SSR1: variants seen among roughly 807,000 people sequenced by gnomAD.
SSR1 encodes the protein signal sequence receptor subunit 1.
SSR1 carries 13 observed loss-of-function variants against 36.1 expected under a neutral mutation model. The ratio of observed to expected loss-of-function variants is 0.36; its 90% CI spans 0.23 to 0.57. SSR1 has a LOEUF of 0.57. Ranked by LOEUF, SSR1 falls within the 20% of genes least tolerant of loss-of-function variation. The pLI, the probability that SSR1 is intolerant of heterozygous loss-of-function variation, is 0.81. For missense variants in SSR1, 291 were observed against 338.5 expected (o/e 0.86, Z 1.10); for synonymous variants, 113 against 118.9 (o/e 0.95, Z 0.32).
chr6:7,297,450 G>A (rs936565844), intron 6 of SSR1, among the ~76,000 whole-genome samples: 7 of 152,160 alleles, frequency 4.6e-5, no homozygotes, highest in African/African-American at 1.2e-4. Context: ...ATGAGGCCAG[G>A]TGCAGTGGCT....
At position 7,297,929 on chromosome 6, in the gene SSR1, A is replaced by G. The variant is rs576947049; in HGVS notation, c.693T>C (p.Ser231=). The G allele has an allele frequency of 3.7e-6, 6 of 1,612,680 alleles. No homozygotes were observed. The East Asian group carries it at 6.7e-5, about 18-fold the overall frequency. Residue 231 remains serine, a synonymous_variant, in exon 6 of 8, where the codon TCT becomes TCC. Transcript: ENST00000244763. ...VIVGLHQLLE[S]RKRKRPIQKV... is the part of the protein sequence containing the mutation. ...GGTGTTCATCCATAATTACCTTTCT[A>G]GATTCTAGGAGTTGATGAAGGCCAA...
intron 6 of SSR1, among the ~76,000 whole-genome samples, chr6:7,297,428 A>T (rs945118237): frequency 1.3e-5 from 2 of 152,160 alleles, no homozygotes; most frequent in African/African-American, 4.8e-5. Flanking sequence ...GTATGTGTGT[A>T]TGAAAGTCTA....
intron 1 of SSR1, 93 bp from the exon 2 acceptor site, chr6:7,310,122 T>G: frequency 1.2e-6 from 1 of 830,904 alleles, no homozygotes; most frequent in Non-Finnish European, 1.9e-6. Context: ...AAACTTCCCT[T>G]GGACTAACAG....
chr6:7,294,426 G>A (rs1338429758), intron 7 of SSR1, among the ~76,000 whole-genome samples: 1 of 152,196 alleles, frequency 6.6e-6, no homozygotes, highest in Non-Finnish European at 1.5e-5. Flanking sequence ...GGTGGCTCAC[G>A]CCTGTAATCC....
In SSR1 at chr6:7,298,014, G is replaced by A. The variant is rs369653845; in HGVS notation, c.621-13C>T. 1.3e-6 allele frequency: 2 copies of A among 1,595,004 alleles called. No individual in the cohort carries two copies. Among genetic ancestry groups the A allele is most frequent in the South Asian group, 1.1e-5 (1 of 90,328 alleles). Reference sequence around the variant, plus strand: ...ATACATAAAGATTCTGGTACAAAAGGAGAAAATATGAACTGTCTTTAATTC... The same window carrying A: ...ATACATAAAGATTCTGGTACAAAAGAAGAAAATATGAACTGTCTTTAATTC... On this transcript the variant is annotated splice_polypyrimidine_tract_variant and intron_variant, in intron 5 of 7. Transcript: ENST00000244763.
chr6:7,301,596 A>C, intron 3 of SSR1, 24 bp from the exon 4 acceptor site: 1 of 1,591,082 alleles, frequency 6.3e-7, no homozygotes, highest in Non-Finnish European at 8.5e-7. Context: ...TAGAGACAAA[A>C]AAATTAGAAC....
intron 7 of SSR1, among the ~76,000 whole-genome samples, chr6:7,293,997 T>C (rs1301906170): frequency 2.0e-5 from 3 of 152,200 alleles, no homozygotes; most frequent in African/African-American, 7.2e-5. Context: ...TTTCCCCTTT[T>C]AGGAGGGAAA....
chr6:7,297,957 A>G lies in SSR1; in HGVS notation c.665T>C (p.Ile222Thr). ...TTCTAGGAGTTGATGAAGGCCAACAATAACCAGAAGCCCAAGACCAGCAAG... is the reference window on the plus strand; with the variant it reads ...TTCTAGGAGTTGATGAAGGCCAACAGTAACCAGAAGCCCAAGACCAGCAAG... ...MFLAGLGLLV[I>T]VGLHQLLESR... The change falls in exon 6 of 8, where the codon ATT becomes ACT. Residue 222 changes from isoleucine (I) to threonine (T), a missense_variant. Transcript: ENST00000244763. The G allele has an allele frequency of 1.2e-6, 2 of 1,613,672 alleles. No individual in the cohort carries two copies. Among genetic ancestry groups the G allele is most frequent in the Non-Finnish European group, 1.7e-6 (2 of 1,179,776 alleles).
In SSR1 at chr6:7,288,201, A is replaced by G. The variant is rs1022630248; in HGVS notation, c.*1663T>C. The G allele has an allele frequency of 6.6e-6, 1 of 152,240 alleles. No individual in the cohort carries two copies. The allele number at this position is 152,240 out of a possible 1,614,324, so 9.4% of individuals were successfully genotyped here. A position where few individuals can be genotyped will look rare whatever the true frequency, so the allele number is the denominator to read the frequency against. ...GATATTCACAAAAATGTTTTGGAAT[A>G]TATTCCTTGGGAATGTGAAGGGTCT... On this transcript the variant is annotated 3_prime_UTR_variant, in exon 8 of 8. Transcript: ENST00000244763.
chr6:7,295,813 A>T (rs1757783165), intron 6 of SSR1, among the ~76,000 whole-genome samples: 1 of 152,266 alleles, frequency 6.6e-6, no homozygotes, highest in South Asian at 2.1e-4. Flanking sequence ...TCTAGTACTG[A>T]TGATAAAGAA....
chr6:7,309,147 A>T (rs1231660426), intron 2 of SSR1, among the ~76,000 whole-genome samples: 1 of 152,220 alleles, frequency 6.6e-6, no homozygotes, highest in Non-Finnish European at 1.5e-5. Context: ...TTGGGATTTT[A>T]AATTTTTGTA....
At chr6:7,297,216 C>CTAAAA (rs1757819040) in intron 6 of SSR1, 1 of 73,352 alleles carries the variant, frequency 1.4e-5, no homozygotes, top group African/African-American at 5.7e-5. Flanking sequence ...CAGACTGTCT[C>CTAAAA]AAAAAAAAAA....
At chr6:7,311,162 CAT>C (rs1264084979) in intron 1 of SSR1, among the ~76,000 whole-genome samples, 1 of 152,116 alleles carries the variant, frequency 6.6e-6, no homozygotes, top group East Asian at 1.9e-4. Flanking sequence ...TGGCTTCAAA[CAT>C]GTTTTAAGAT....
At chr6:7,311,076 A>G (rs1320351971) in intron 1 of SSR1, among the ~76,000 whole-genome samples, 1 of 152,224 alleles carries the variant, frequency 6.6e-6, no homozygotes, top group Non-Finnish European at 1.5e-5. Context: ...GCTTGCATGA[A>G]AAACATTGTT....
chr6:7,291,465 C>T (rs1757679434), intron 7 of SSR1, among the ~76,000 whole-genome samples: 1 of 151,990 alleles, frequency 6.6e-6, no homozygotes, highest in Admixed American at 6.6e-5. Flanking sequence ...GGAAAACTGC[C>T]CTCACTTTTC....
chr6:7,302,038 G>A (rs1321648400), intron 3 of SSR1, among the ~76,000 whole-genome samples: 1 of 152,072 alleles, frequency 6.6e-6, no homozygotes, highest in African/African-American at 2.4e-5. Flanking sequence ...CCCAATCCAC[G>A]TTAAGCAATT....
chr6:7,302,505 C>A (rs1440860233), intron 3 of SSR1, among the ~76,000 whole-genome samples: 1 of 152,190 alleles, frequency 6.6e-6, no homozygotes, highest in African/African-American at 2.4e-5. Flanking sequence ...GTGGCTCACA[C>A]CTGTAATCCC....
chr6:7,300,969 T>G (rs973572011), intron 4 of SSR1, among the ~76,000 whole-genome samples: 2 of 152,206 alleles, frequency 1.3e-5, no homozygotes, highest in African/African-American at 4.8e-5. Flanking sequence ...GAATAAGCTG[T>G]AGACTCCATT....
rs1200771567 is a variant in SSR1, at chr6:7,288,842, A to C, written c.*1022T>G. 1 of 152,334 alleles carries C rather than the reference A, an allele frequency of 6.6e-6. No homozygotes were observed. The highest frequency in any genetic ancestry group is 1.5e-5 in the Non-Finnish European group (1 of 68,044). The allele number at this position is 152,334 out of a possible 1,614,324, so 9.4% of individuals were successfully genotyped here. ...TCAGGTTAACTAAAAAGGTTATATC[A>C]ACAAGCAAAACTCCCAAAAGATTAG... On this transcript the variant is annotated 3_prime_UTR_variant, in exon 8 of 8. Coordinates refer to ENST00000244763, the MANE Select transcript of SSR1 (RefSeq NM_003144.5).
Sources: gnomAD v4.1 joint callset for allele counts (sites outside exome capture counted in the v4.1 genomes callset) on GRCh38, gnomAD v4.1.1 for gene constraint, MANE v1.5 for transcripts, NCBI Gene and HGNC (gene_info 2026-07-23, HGNC 2026-07-21) for gene names.